The following MYO1D variants were observed in gnomAD, a reference collection of about 807,000 sequenced individuals.
MYO1D encodes unconventional myosin-Id.
In MYO1D, 83 loss-of-function variants were observed where a neutral mutation model predicts 122.0. The observed-to-expected ratio is 0.68, with a 90% CI of 0.57 to 0.82. The LOEUF (loss-of-function observed/expected upper bound fraction) is 0.82. Ranked by LOEUF, MYO1D falls within the 40% of genes least tolerant of loss-of-function variation. The pLI, the probability that MYO1D is intolerant of heterozygous loss-of-function variation, is 0.00. For missense variants in MYO1D, 1,157 were observed against 1,269.5 expected (o/e 0.91, Z 1.35); for synonymous variants, 464 against 446.9 (o/e 1.04, Z -0.48).
intron 1 of MYO1D, among the ~76,000 whole-genome samples, chr17:32,800,565 G>A (rs1307609175): frequency 6.6e-6 from 1 of 152,112 alleles, no homozygotes; most frequent in Admixed American, 6.5e-5. Context: ...GATTGGATGG[G>A]GAACTGGGAG....
At chr17:32,611,003 C>T (rs1372384859) in intron 20 of MYO1D, among the ~76,000 whole-genome samples, 1 of 152,120 alleles carries the variant, frequency 6.6e-6, no homozygotes, top group African/African-American at 2.4e-5. Flanking sequence ...AAGATTTGAA[C>T]AGGGCAAAAA....
At chr17:32,801,801 C>G (rs2090463515) in intron 1 of MYO1D, among the ~76,000 whole-genome samples, 1 of 152,142 alleles carries the variant, frequency 6.6e-6, no homozygotes, top group Non-Finnish European at 1.5e-5. Flanking sequence ...TTCTTGATTT[C>G]TAAATGCTAT....
chr17:32,498,631 G>A (rs1232677829), intron 21 of MYO1D: 1 of 152,236 alleles, frequency 6.6e-6, no homozygotes, highest in Non-Finnish European at 1.5e-5. Context: ...ACGGTCTAAG[G>A]AGTGATGCAC....
At chr17:32,568,934 T>G (rs2087198443) in intron 21 of MYO1D, among the ~76,000 whole-genome samples, 1 of 152,220 alleles carries the variant, frequency 6.6e-6, no homozygotes, top group Admixed American at 6.5e-5. Flanking sequence ...TTTATGTGTA[T>G]TGCCCTCTCT....
At chr17:32,739,428 G>A (rs2089747941) in intron 13 of MYO1D, among the ~76,000 whole-genome samples, 1 of 148,252 alleles carries the variant, frequency 6.7e-6, no homozygotes, top group Admixed American at 6.8e-5. Context: ...TCACTCATAG[G>A]TGGGAATTGA....
chr17:32,871,407 A>C (rs1386678276), intron 1 of MYO1D, among the ~76,000 whole-genome samples: 1 of 152,228 alleles, frequency 6.6e-6, no homozygotes, highest in Non-Finnish European at 1.5e-5. Flanking sequence ...TCCCAGGTCT[A>C]AGCAAAGGTA....
chr17:32,616,586 G>A (rs2087772025), intron 20 of MYO1D, among the ~76,000 whole-genome samples: 1 of 151,142 alleles, frequency 6.6e-6, no homozygotes, highest in South Asian at 2.1e-4. Context: ...TCCTTAAAGT[G>A]TTGGGATTAC....
intron 16 of MYO1D, among the ~76,000 whole-genome samples, chr17:32,665,098 C>G (rs950423635): frequency 1.1e-4 from 16 of 152,162 alleles, no homozygotes; most frequent in African/African-American, 3.6e-4. Context: ...TCCCAGCCAT[C>G]AGATGGCTGA....
At chr17:32,795,534 C>A (rs2090406183) in intron 1 of MYO1D, among the ~76,000 whole-genome samples, 1 of 152,020 alleles carries the variant, frequency 6.6e-6, no homozygotes, top group South Asian at 2.1e-4. Context: ...ACTAAGGTCT[C>A]ATGCAATTCA....
chr17:32,607,163 GA>G (rs143916190), intron 20 of MYO1D, among the ~76,000 whole-genome samples: 5,752 of 148,604 alleles, frequency 0.039, 353 homozygotes, highest in African/African-American at 0.13. Context: ...CCATCTCAAA[GA>G]AAAAAAAAAT....
chr17:32,739,175 T>C (rs2089744363), intron 13 of MYO1D, among the ~76,000 whole-genome samples: 2 of 152,222 alleles, frequency 1.3e-5, no homozygotes, highest in African/African-American at 4.8e-5. Context: ...GAACTCAAAA[T>C]GTTGCTTGCT....
At chr17:32,832,407 C>T (rs965708149) in intron 1 of MYO1D, among the ~76,000 whole-genome samples, 3 of 151,492 alleles carry the variant, frequency 2.0e-5, no homozygotes, top group African/African-American at 7.3e-5. Flanking sequence ...TCATGCCTTT[C>T]TCCTGCCTCA....
At chr17:32,507,018 G>T (rs1194972657) in intron 21 of MYO1D, among the ~76,000 whole-genome samples, 1 of 152,150 alleles carries the variant, frequency 6.6e-6, no homozygotes, top group Non-Finnish European at 1.5e-5. Flanking sequence ...TAATTGTTTT[G>T]TTTATTTATT....
At chr17:32,594,517 G>A (rs1414475333) in intron 21 of MYO1D, 1 of 611,910 alleles carries the variant, frequency 1.6e-6, no homozygotes. Flanking sequence ...GCCTGTTTAT[G>A]TAGAATCTAT....
At chr17:32,776,346 TTGTG>T (rs537339855) in intron 3 of MYO1D, among the ~76,000 whole-genome samples, 10 of 152,312 alleles carry the variant, frequency 6.6e-5, no homozygotes, top group African/African-American at 1.9e-4. Context: ...TGCAGGATCC[TTGTG>T]TGTGTATGTG....
intron 21 of MYO1D, among the ~76,000 whole-genome samples, chr17:32,581,741 T>TTGTGTGTGTGTG (rs35563167): frequency 1.1e-4 from 16 of 148,276 alleles, no homozygotes; most frequent in African/African-American, 4.0e-4. Flanking sequence ...CCTGGCTAAT[T>TTGTGTGTGTGTG]TGTGTGTGTG....
chr17:32,530,902 C>T (rs544285122), intron 21 of MYO1D, among the ~76,000 whole-genome samples: 48 of 151,982 alleles, frequency 3.2e-4, no homozygotes, highest in African/African-American at 1.1e-3. Context: ...GTCCTCACTC[C>T]CTTTGGAGAA....
chr17:32,494,682 G>A lies in MYO1D; in HGVS notation c.*77C>T. On this transcript the variant is annotated 3_prime_UTR_variant, in exon 22 of 22. Coordinates refer to ENST00000318217, the MANE Select transcript of MYO1D (RefSeq NM_015194.3). ...CTCGCAGCAGGTTTCTAGCGGGCAT[G>A]GGTTGGGAGGCAGCAGCTGGACTGG... 1 of 1,462,482 alleles carries A rather than the reference G, an allele frequency of 6.8e-7. No homozygotes were observed. 90.6% of individuals were successfully genotyped at this position (1,462,482 alleles called of 1,614,324 possible). A position where few individuals can be genotyped will look rare whatever the true frequency, so the allele number is the denominator to read the frequency against.
intron 1 of MYO1D, among the ~76,000 whole-genome samples, chr17:32,864,631 A>G (rs1296665451): frequency 6.6e-6 from 1 of 151,848 alleles, no homozygotes; most frequent in Non-Finnish European, 1.5e-5. Context: ...TTTTTCCAAG[A>G]GCAATGGTAA....
Sources: gnomAD v4.1 joint callset for allele counts (sites outside exome capture counted in the v4.1 genomes callset) on GRCh38, gnomAD v4.1.1 for gene constraint, MANE v1.5 for transcripts, NCBI Gene and HGNC (gene_info 2026-07-23, HGNC 2026-07-21) for gene names.